The following CALN1 variants were observed in gnomAD, a reference collection of about 807,000 sequenced individuals.
The protein encoded by CALN1 is calneuron 1.
A neutral mutation model predicts 30.6 loss-of-function variants in CALN1; 17 were observed. That is an observed-to-expected ratio of 0.56 (90% CI 0.38 to 0.83). The LOEUF is 0.83. CALN1 is among the 40% of genes least tolerant of loss of function. The pLI is 0.00. For missense variants in CALN1, 291 were observed against 354.9 expected, an observed-to-expected ratio of 0.82 and a Z score of 1.45; for synonymous variants, 156 against 131.4, an observed-to-expected ratio of 1.19 and a Z score of -1.28.
chr7:72,370,125 G>C (rs1804138332), intron 2 of CALN1, among the ~76,000 whole-genome samples: 3 of 152,148 alleles, frequency 2.0e-5, no homozygotes, highest in South Asian at 2.1e-4. Flanking sequence ...ATTGTCACCA[G>C]AACTTGGTAC....
chr7:71,975,211 G>A (rs542090993), intron 5 of CALN1, among the ~76,000 whole-genome samples: 62 of 152,254 alleles, frequency 4.1e-4, no homozygotes, highest in African/African-American at 5.1e-4. Context: ...TGTGAGCCCC[G>A]TGCTAGCCTC....
At chr7:72,198,592 C>CA (rs1239516284) in intron 3 of CALN1, among the ~76,000 whole-genome samples, 1 of 152,150 alleles carries the variant, frequency 6.6e-6, no homozygotes, top group Non-Finnish European at 1.5e-5. Flanking sequence ...AACCACCCCC[C>CA]ACCCTTTAAA....
At chr7:72,215,239 C>A (rs1300453843) in intron 3 of CALN1, among the ~76,000 whole-genome samples, 1 of 152,120 alleles carries the variant, frequency 6.6e-6, no homozygotes, top group Non-Finnish European at 1.5e-5. Context: ...CATGTCACCT[C>A]TCCAGAAGCC....
intron 4 of CALN1, among the ~76,000 whole-genome samples, chr7:72,095,659 T>C (rs1438409914): frequency 2.0e-5 from 3 of 152,140 alleles, no homozygotes; most frequent in African/African-American, 4.8e-5. Flanking sequence ...TGGGTTTGCT[T>C]TCCATTTGTC....
intron 5 of CALN1, among the ~76,000 whole-genome samples, chr7:71,834,590 T>C (rs1174458491): frequency 6.6e-6 from 1 of 152,094 alleles, no homozygotes; most frequent in Non-Finnish European, 1.5e-5. Context: ...AAGGGGGTTA[T>C]TATGATTTTT....
intron 2 of CALN1, among the ~76,000 whole-genome samples, chr7:72,369,257 G>A (rs560450231): frequency 4.5e-4 from 67 of 148,058 alleles, no homozygotes; most frequent in African/African-American, 1.5e-3. Flanking sequence ...TGGTAAACAC[G>A]TACATTACGC....
chr7:72,046,899 A>G (rs1802509845), intron 4 of CALN1, among the ~76,000 whole-genome samples: 1 of 151,864 alleles, frequency 6.6e-6, no homozygotes, highest in Non-Finnish European at 1.5e-5. Flanking sequence ...CCCTGTCTCT[A>G]CAAGAAATAT....
At chr7:72,185,821 A>G (rs978066505) in intron 3 of CALN1, among the ~76,000 whole-genome samples, 1 of 152,174 alleles carries the variant, frequency 6.6e-6, no homozygotes, top group Non-Finnish European at 1.5e-5. Context: ...CCTGCTGCCA[A>G]GCATGGAAGA....
chr7:72,215,497 G>C (rs1236212724), intron 3 of CALN1, among the ~76,000 whole-genome samples: 1 of 151,552 alleles, frequency 6.6e-6, no homozygotes, highest in African/African-American at 2.4e-5. Flanking sequence ...TGGAGGCTAA[G>C]GCAGGAGAAT....
rs77398471 is a variant in CALN1, at chr7:71,900,865, C to T, written c.502-90373G>A. On this transcript the variant is annotated intron_variant, in intron 5 of 6. Transcript: ENST00000395275. Reference sequence around the variant, plus strand: ...AGATTTAAAATGCTAATGAGACATCCGACATATGTAGTAGCATGTACAGTA... The same window carrying T: ...AGATTTAAAATGCTAATGAGACATCTGACATATGTAGTAGCATGTACAGTA... 3.0e-3 allele frequency among the ~76,000 whole-genome samples: 462 copies of T among 152,236 alleles called. 2 individuals carry two copies. The highest frequency in any genetic ancestry group is 0.011 in the African/African-American group (448 of 41,538).
Position 72,195,050 on chromosome 7 carries a change from A to G in CALN1, c.244+83636T>C, listed in dbSNP as rs568996915. 3.3e-5 allele frequency among the ~76,000 whole-genome samples: 5 copies of G among 152,166 alleles called. No individual in the cohort carries two copies. In the South Asian group the frequency reaches 8.3e-4, roughly 25 times the overall value. Reference sequence around the variant, plus strand: ...TTCCTTGCCTCTCGTCCCATCCTCAATCCTCAACATGAGCAAGTTCAAGTC... The same window carrying G: ...TTCCTTGCCTCTCGTCCCATCCTCAGTCCTCAACATGAGCAAGTTCAAGTC... On this transcript the variant is annotated intron_variant, in intron 3 of 6. Transcript: ENST00000395275.
intron 3 of CALN1, among the ~76,000 whole-genome samples, chr7:72,200,091 A>G (rs376163332): frequency 3.2e-4 from 48 of 152,218 alleles, no homozygotes; most frequent in African/African-American, 4.3e-4. Flanking sequence ...CCTCTCCACT[A>G]TATCTCACCT....
intron 1 of CALN1, among the ~76,000 whole-genome samples, chr7:72,424,459 T>G (rs541326340): frequency 8.9e-4 from 135 of 152,272 alleles, no homozygotes; most frequent in African/African-American, 3.1e-3. Flanking sequence ...ATTGTAAAAA[T>G]GAATTTTAGG....
At chr7:71,866,111 T>C (rs1300324090) in intron 5 of CALN1, among the ~76,000 whole-genome samples, 2 of 151,990 alleles carry the variant, frequency 1.3e-5, no homozygotes, top group African/African-American at 4.8e-5. Flanking sequence ...GTTCATGCCA[T>C]TCTCCTGCCT....
chr7:72,336,590 C>A, intron 2 of CALN1: 2 of 692,092 alleles, frequency 2.9e-6, no homozygotes, highest in Non-Finnish European at 3.6e-6. Context: ...ACTCTGAGCA[C>A]CAGGGCCCGC....
intron 2 of CALN1, among the ~76,000 whole-genome samples, chr7:72,392,987 G>A (rs948376158): frequency 2.0e-5 from 3 of 151,938 alleles, no homozygotes; most frequent in African/African-American, 7.3e-5. Context: ...AACACAGCAA[G>A]ACTCTGTCAC....
At chr7:71,915,786 C>CAGGG (rs1438322377) in intron 5 of CALN1, among the ~76,000 whole-genome samples, 2 of 152,098 alleles carry the variant, frequency 1.3e-5, no homozygotes, top group African/African-American at 4.8e-5. Flanking sequence ...AGAGGTAGAG[C>CAGGG]AGGGCCCTGA....
At chr7:72,357,826 A>G (rs972424675) in intron 2 of CALN1, among the ~76,000 whole-genome samples, 3 of 146,872 alleles carry the variant, frequency 2.0e-5, no homozygotes, top group South Asian at 2.1e-4. Flanking sequence ...ATTTATATAT[A>G]TTTTTATATA....
intron 3 of CALN1, among the ~76,000 whole-genome samples, chr7:72,123,680 T>C (rs1808548602): frequency 6.6e-6 from 1 of 152,124 alleles, no homozygotes; most frequent in South Asian, 2.1e-4. Context: ...ACACCAGCAC[T>C]CCCATTTGTT....
Sources: gnomAD v4.1 joint callset for allele counts (sites outside exome capture counted in the v4.1 genomes callset) on GRCh38, gnomAD v4.1.1 for gene constraint, MANE v1.5 for transcripts, NCBI Gene and HGNC (gene_info 2026-07-23, HGNC 2026-07-21) for gene names.